The following ARHGAP23 variants were observed in gnomAD, a reference collection of about 807,000 sequenced individuals.
ARHGAP23 encodes rho GTPase-activating protein 23.
In ARHGAP23, 34 loss-of-function variants were observed where a neutral mutation model predicts 136.3. The ratio of observed to expected loss-of-function variants is 0.25; its 90% CI spans 0.19 to 0.33. ARHGAP23 has a LOEUF of 0.33. Ranked by LOEUF, ARHGAP23 falls within the 10% of genes least tolerant of loss-of-function variation. The probability of loss-of-function intolerance (pLI) is 1.00; values close to 1 mark genes in which losing one functional copy is unlikely to be tolerated. For missense variants in ARHGAP23, 1,808 were observed against 2,139.0 expected (o/e 0.85, Z 3.05); for synonymous variants, 832 against 920.5 (o/e 0.90, Z 1.74).
chr17:38,434,202 C>G (rs2038743259), intron 1 of ARHGAP23, among the ~76,000 whole-genome samples: 1 of 152,136 alleles, frequency 6.6e-6, no homozygotes, highest in Admixed American at 6.5e-5. Context: ...AATTCCCTGT[C>G]CCGCCAACCC....
At chr17:38,419,781 A>G (rs2038501128) in intron 1 of ARHGAP23, among the ~76,000 whole-genome samples, 1 of 152,104 alleles carries the variant, frequency 6.6e-6, no homozygotes, top group African/African-American at 2.4e-5. Flanking sequence ...CAGACTCTGC[A>G]GAATGAAGGA....
chr17:38,509,818 G>C (rs1456454139), intron 23 of ARHGAP23, 126 bp from the exon 24 acceptor site: 1 of 700,426 alleles, frequency 1.4e-6, no homozygotes, highest in African/African-American at 1.8e-5. Context: ...ATGCGGCCGT[G>C]GGTGCTGGCC....
At chr17:38,424,832 C>T (rs79793959), upstream of ARHGAP23, among the ~76,000 whole-genome samples, 1 of 152,340 alleles carries the variant, frequency 6.6e-6, no homozygotes, top group African/African-American at 2.4e-5. Context: ...AGATCTATTT[C>T]ACAGGCCTTT....
In ARHGAP23 at chr17:38,508,135, G is replaced by A. The variant is rs143229059; in HGVS notation, c.3448-1809G>A. Among the ~76,000 whole-genome samples the A allele has an allele frequency of 6.6e-5, 10 of 152,344 alleles. No homozygotes were observed. In the East Asian group the frequency reaches 1.5e-3, roughly 23 times the overall value. ...AGCCTTTGCTCTTAAGGAGCTCAGA[G>A]TTTGATGAGGCTGATGTGAGAAGAG... On this transcript the variant is annotated intron_variant, in intron 23 of 23. Coordinates refer to ENST00000622683, the MANE Select transcript of ARHGAP23 (RefSeq NM_001199417.2).
upstream of ARHGAP23, among the ~76,000 whole-genome samples, chr17:38,424,757 G>A (rs117520020): frequency 8.7e-3 from 1,319 of 152,318 alleles, 12 homozygotes; most frequent in Non-Finnish European, 0.014. Context: ...CAAATCCTGT[G>A]TGGCCTTGGG....
chr17:38,466,430 GCCCCGCCCCAGC>G lies in ARHGAP23; in HGVS notation c.750_761del (p.Arg251_Pro254del). On this transcript the variant is annotated inframe_deletion, in exon 7 of 24. Transcript: ENST00000622683. ...ACAACTCTTCCTTGGGGATGAGCCA[GCCCCGCCCCAGC>G]CCTGGTGCCTTCCCCCACCTCTCCT... 1 of 1,527,078 alleles carries G rather than the reference GCCCCGCCCCAGC, an allele frequency of 6.5e-7. No individual in the cohort carries two copies. Among genetic ancestry groups the G allele is most frequent in the Non-Finnish European group, 8.8e-7 (1 of 1,139,340 alleles). 94.6% of individuals were successfully genotyped at this position (1,527,078 alleles called of 1,614,324 possible). A position where few individuals can be genotyped will look rare whatever the true frequency, so the allele number is the denominator to read the frequency against.
intron 23 of ARHGAP23, among the ~76,000 whole-genome samples, chr17:38,505,065 CCTGAACACAGCTCA>C (rs1451032296): frequency 7.8e-6 from 1 of 127,706 alleles, no homozygotes; most frequent in African/African-American, 2.9e-5. Flanking sequence ...AGTGCAGTGG[CCTGAACACAGCTCA>C]CTGCAGCCTC....
intron 20 of ARHGAP23, among the ~76,000 whole-genome samples, chr17:38,492,732 T>C (rs568751287): frequency 6.6e-6 from 1 of 152,288 alleles, no homozygotes; most frequent in African/African-American, 2.4e-5. Flanking sequence ...GGAGGGAAGA[T>C]CACAGCCTGC....
In ARHGAP23 at chr17:38,443,152, C is replaced by T. The variant is rs190329575; in HGVS notation, c.63+14604C>T. ...AAGTGTGGCCTTTTCTCTGTGTTAGCCTTCTTGATGCCAGGACAGTGGTCA... is the reference window on the plus strand; with the variant it reads ...AAGTGTGGCCTTTTCTCTGTGTTAGTCTTCTTGATGCCAGGACAGTGGTCA... On this transcript the variant is annotated intron_variant, in intron 1 of 23. Coordinates refer to ENST00000622683, the MANE Select transcript of ARHGAP23 (RefSeq NM_001199417.2). Among the ~76,000 whole-genome samples, 24 of 152,316 alleles carry T rather than the reference C, an allele frequency of 1.6e-4. 1 individual carries two copies. The highest frequency in any genetic ancestry group is 5.8e-4 in the African/African-American group (24 of 41,576).
chr17:38,456,887 G>C (rs971645985), intron 1 of ARHGAP23, among the ~76,000 whole-genome samples: 2 of 152,140 alleles, frequency 1.3e-5, no homozygotes, highest in Non-Finnish European at 1.5e-5. Context: ...GGTCTGACAG[G>C]AGGCTTTAGT....
At chr17:38,499,735 G>T (rs576908385) in intron 22 of ARHGAP23, among the ~76,000 whole-genome samples, 9 of 152,264 alleles carry the variant, frequency 5.9e-5, no homozygotes, top group Middle Eastern at 3.4e-3. Flanking sequence ...AGGGGGAGGG[G>T]TCCGGAGAGG....
In ARHGAP23 at chr17:38,466,213, G is replaced by C; in HGVS notation, c.530G>C (p.Gly177Ala). 6.5e-7 allele frequency: 1 copy of C among 1,537,020 alleles called. No individual in the cohort carries two copies. Among genetic ancestry groups the C allele is most frequent in the Non-Finnish European group, 8.8e-7 (1 of 1,138,662 alleles). The change falls in exon 7 of 24, where the codon GGA becomes GCA. Residue 177 changes from glycine (G) to alanine (A), a missense_variant. Physicochemically the swap from Gly to Ala is moderately conservative, Grantham distance 60 (BLOSUM62 0). This residue lies in a region of ARHGAP23 where 859 missense variants were observed against 936.4 expected (regional missense o/e 0.92). Transcript: ENST00000622683. ...AYLKGNEPYS[G>A]EARSIPEPPP... ...CTGAAAGGGAACGAGCCGTATTCTG[G>C]AGAGGCCCGCAGCATCCCAGAGCCA...
At chr17:38,452,154 TC>T (rs1322777086) in intron 1 of ARHGAP23, among the ~76,000 whole-genome samples, 2 of 151,552 alleles carry the variant, frequency 1.3e-5, no homozygotes, top group Non-Finnish European at 2.9e-5. Context: ...TCTGCTCCCT[TC>T]CCCCTCCCCT....
intron 20 of ARHGAP23, among the ~76,000 whole-genome samples, chr17:38,493,826 C>G (rs1274583224): frequency 6.6e-6 from 1 of 152,200 alleles, no homozygotes. Context: ...GAGAGCAAAC[C>G]TGGGTGTCTG....
Position 38,467,247 on chromosome 17 carries a change from G to C in ARHGAP23, c.1564G>C (p.Ala522Pro). 2 of 1,550,454 alleles carry C rather than the reference G, an allele frequency of 1.3e-6. No individual in the cohort carries two copies. Among genetic ancestry groups the C allele is most frequent in the Non-Finnish European group, 1.7e-6 (2 of 1,146,252 alleles). Residue 522 changes from alanine to proline, a missense_variant, in exon 7 of 24, where the codon GCC becomes CCC. This residue lies in a region of ARHGAP23 where 859 missense variants were observed against 936.4 expected (regional missense o/e 0.92). Transcript: ENST00000622683. ...TGGTGACGAGTCCCCAGAGCCAGAGGCCAGTGGGCGAGGGGAACGCCTGGG... is the reference window on the plus strand; with the variant it reads ...TGGTGACGAGTCCCCAGAGCCAGAGCCCAGTGGGCGAGGGGAACGCCTGGG... ...GFGDESPEPEASGRGERLGRK... is the reference protein window; with the variant it reads ...GFGDESPEPEPSGRGERLGRK...
At chr17:38,453,159 G>A (rs2039220178) in intron 1 of ARHGAP23, among the ~76,000 whole-genome samples, 1 of 152,160 alleles carries the variant, frequency 6.6e-6, no homozygotes, top group African/African-American at 2.4e-5. Flanking sequence ...GCTTGCACAT[G>A]CATCTCTCTG....
At chr17:38,437,969 TC>T (rs1274405440) in intron 1 of ARHGAP23, among the ~76,000 whole-genome samples, 1 of 151,894 alleles carries the variant, frequency 6.6e-6, no homozygotes, top group East Asian at 1.9e-4. Flanking sequence ...CCAAAGATGG[TC>T]CAGCTCTCAG....
intron 23 of ARHGAP23, among the ~76,000 whole-genome samples, chr17:38,503,174 C>T (rs551163548): frequency 6.6e-6 from 1 of 152,324 alleles, no homozygotes; most frequent in South Asian, 2.1e-4. Flanking sequence ...GCAGCAGTAG[C>T]CTGTGCTCCT....
chr17:38,420,934 AAG>A (rs982375096), intron 1 of ARHGAP23, among the ~76,000 whole-genome samples: 1 of 152,064 alleles, frequency 6.6e-6, no homozygotes, highest in Admixed American at 6.5e-5. Flanking sequence ...TTTTTTTTAA[AAG>A]AGGGGCAGGG....
Sources: allele counts gnomAD v4.1 joint callset (sites outside exome capture counted in the v4.1 genomes callset), GRCh38; gene constraint gnomAD v4.1.1; regional missense constraint gnomAD v4.1.1; transcripts MANE v1.5; gene names NCBI Gene and HGNC (gene_info 2026-07-23, HGNC 2026-07-21).